CDK13: variants seen among roughly 807,000 people sequenced by gnomAD.
CDK13 encodes the protein cyclin-dependent kinase 13.
Under a neutral mutation model 137.6 loss-of-function variants are expected in CDK13, and 40 were observed. The observed-to-expected ratio is 0.29, with a 90% CI of 0.23 to 0.38. CDK13 has a LOEUF of 0.38. Among genes scored for constraint, CDK13 ranks in the 10% least tolerant of loss-of-function variants. The pLI is 1.00. For synonymous variants in CDK13, 869 were observed against 760.1 expected, an observed-to-expected ratio of 1.14 and a Z score of -2.36; for missense variants, 1,704 against 1,951.8, an observed-to-expected ratio of 0.87 and a Z score of 2.39.
chr7:40,020,362 C>G (rs1156570215), intron 5 of CDK13, among the ~76,000 whole-genome samples: 4 of 152,196 alleles, frequency 2.6e-5, no homozygotes, highest in African/African-American at 9.7e-5. Flanking sequence ...GCCGCTGCAC[C>G]CGGCCCAAAT....
At chr7:39,992,083 ACACACACACACACACACACACG>A (rs1189391181) in intron 2 of CDK13, among the ~76,000 whole-genome samples, 4 of 30,948 alleles carry the variant, frequency 1.3e-4, no homozygotes, top group Non-Finnish European at 3.2e-4. Flanking sequence ...ACACACACAC[ACACACACACACACACACACACG>A]CACACACACA....
At chr7:40,077,950 G>T (rs1786582647) in intron 9 of CDK13, 55 bp from the exon 10 acceptor site, 1 of 715,996 alleles carries the variant, frequency 1.4e-6, no homozygotes, top group Non-Finnish European at 2.3e-6. Flanking sequence ...TATAACAGTT[G>T]TATGTATTCT....
At chr7:39,970,620 C>G (rs1245081856) in intron 1 of CDK13, among the ~76,000 whole-genome samples, 1 of 152,086 alleles carries the variant, frequency 6.6e-6, no homozygotes, top group African/African-American at 2.4e-5. Flanking sequence ...GCCACCACGC[C>G]CAGCTAATTT....
At chr7:39,969,729 C>A (rs923396701) in intron 1 of CDK13, among the ~76,000 whole-genome samples, 1 of 151,724 alleles carries the variant, frequency 6.6e-6, no homozygotes, top group African/African-American at 2.4e-5. Flanking sequence ...ATTGGTATCT[C>A]ATTGTGGTTT....
intron 11 of CDK13, among the ~76,000 whole-genome samples, chr7:40,082,464 C>CTG (rs1257553703): frequency 1.3e-4 from 15 of 114,298 alleles, no homozygotes; most frequent in Non-Finnish European, 1.7e-4. Flanking sequence ...CCAGTCTGGG[C>CTG]GACAGAGTGA....
chr7:40,090,656 G>A (rs1371239687), intron 12 of CDK13, among the ~76,000 whole-genome samples: 3 of 152,080 alleles, frequency 2.0e-5, no homozygotes, highest in Admixed American at 6.5e-5. Context: ...AGGCCGGGGC[G>A]GGCTGTTTGC....
intron 5 of CDK13, among the ~76,000 whole-genome samples, chr7:40,018,241 C>A (rs923667350): frequency 1.3e-5 from 2 of 151,824 alleles, no homozygotes; most frequent in African/African-American, 4.8e-5. Context: ...TAATGTAATG[C>A]TGGAGAGTAA....
At chr7:39,998,215 TTTTTTAAC>T in intron 3 of CDK13, 1 of 149,966 alleles carries the variant, frequency 6.7e-6, no homozygotes, top group African/African-American at 2.4e-5. Flanking sequence ...TTTTTTTTTT[TTTTTTAAC>T]TTCTTAACCA....
At chr7:40,076,920 A>G (rs17496619) in intron 9 of CDK13, among the ~76,000 whole-genome samples, 1,952 of 152,310 alleles carry the variant, frequency 0.013, 30 homozygotes, top group African/African-American at 0.045. Flanking sequence ...TATAATAAAC[A>G]TCCTTGAAAT....
At chr7:39,969,498 C>CT (rs902532444) in intron 1 of CDK13, among the ~76,000 whole-genome samples, 1 of 152,098 alleles carries the variant, frequency 6.6e-6, no homozygotes, top group Non-Finnish European at 1.5e-5. Flanking sequence ...GAGTACAGGT[C>CT]TTTTGTTTTT....
At chr7:40,038,975 G>A (rs1222433385) in intron 5 of CDK13, among the ~76,000 whole-genome samples, 4 of 152,176 alleles carry the variant, frequency 2.6e-5, no homozygotes, top group South Asian at 4.1e-4. Flanking sequence ...GATTATAGGC[G>A]TGAGCCACTG....
chr7:40,079,692 C>A (rs1355282808), intron 11 of CDK13, among the ~76,000 whole-genome samples: 1 of 151,966 alleles, frequency 6.6e-6, no homozygotes, highest in Non-Finnish European at 1.5e-5. Flanking sequence ...TCACATTAGT[C>A]CAATAAGTAA....
Position 39,982,585 on chromosome 7 carries a change from C to T in CDK13, c.1212-5014C>T, listed in dbSNP as rs1481610516. On this transcript the variant is annotated intron_variant, in intron 1 of 13. Transcript: ENST00000181839. ...TTCTAGTTCTAGATCCCTGAGGAAT[C>T]GCCACACTGACTTCCACAATGGTTG... Among the ~76,000 whole-genome samples, 9 of 152,254 alleles carry T rather than the reference C, an allele frequency of 5.9e-5. No homozygotes were observed. In the South Asian group the frequency reaches 1.9e-3, roughly 32 times the overall value.
chr7:39,951,703 G>C lies in CDK13; in HGVS notation c.1062G>C (p.Arg354=), dbSNP rs752676730. The change falls in exon 1 of 14, where the codon CGG becomes CGC. Residue 354 remains arginine (R), a synonymous_variant. Transcript: ENST00000181839. ...GTGGCAGCAGCCCCTATTCTCGGCG[G>C]CTGCCGCGCTCCCCGAGCCCCTACA... ...AGGGSSPYSR[R]LPRSPSPYSR... 2.1e-5 allele frequency: 31 copies of C among 1,467,558 alleles called. No individual in the cohort carries two copies. The African/African-American group carries it at 4.2e-4, about 20-fold the overall frequency. The allele number at this position is 1,467,558 out of a possible 1,614,324, so 90.9% of individuals were successfully genotyped here.
Position 40,025,953 on chromosome 7 carries a change from C to CT in CDK13, c.2354-19882dup, listed in dbSNP as rs200060758. On this transcript the variant is annotated intron_variant, in intron 5 of 13. Transcript: ENST00000181839. ...GCCAAAGTAAGCCAAGGTTTAGATT[C>CT]TAACTGTGTGAAGTAGTGGATAAGG... 8.4e-3 allele frequency among the ~76,000 whole-genome samples: 1,286 copies of CT among 152,238 alleles called. 16 individuals are homozygous for CT. Among genetic ancestry groups the CT allele is most frequent in the African/African-American group, 0.028 (1,148 of 41,534 alleles).
intron 5 of CDK13, among the ~76,000 whole-genome samples, chr7:40,007,725 G>C (rs1784821932): frequency 6.6e-6 from 1 of 152,154 alleles, no homozygotes; most frequent in Non-Finnish European, 1.5e-5. Flanking sequence ...ACCGCGCCCA[G>C]CCATAACTTG....
chr7:39,982,480 G>A (rs1358611124), intron 1 of CDK13, among the ~76,000 whole-genome samples: 1 of 152,068 alleles, frequency 6.6e-6, no homozygotes, highest in Non-Finnish European at 1.5e-5. Flanking sequence ...AAACATACAT[G>A]TGCATGTGTC....
In CDK13 at chr7:40,021,436, C is replaced by T. The variant is rs17496457; in HGVS notation, c.2353+19405C>T. Among the ~76,000 whole-genome samples, 772 of 151,988 alleles carry T rather than the reference C, an allele frequency of 5.1e-3. 8 individuals carry two copies. The highest frequency in any genetic ancestry group is 0.017 in the African/African-American group (700 of 41,438). ...GCTTGAATCCAAGAGGTGTAGGTTG[C>T]GGTGAGCTGAGATCCTGCCACCGCA... On this transcript the variant is annotated intron_variant, in intron 5 of 13. Transcript: ENST00000181839.
chr7:39,998,844 A>G (rs1483577238), intron 3 of CDK13: 1 of 151,896 alleles, frequency 6.6e-6, no homozygotes, highest in South Asian at 2.1e-4. Context: ...ACTCTCTTAG[A>G]CTGAAAAATC....
Sources: gnomAD v4.1 joint callset for allele counts (sites outside exome capture counted in the v4.1 genomes callset) on GRCh38, gnomAD v4.1.1 for gene constraint, MANE v1.5 for transcripts, NCBI Gene and HGNC (gene_info 2026-07-23, HGNC 2026-07-21) for gene names.